The following GRIN2B variants were observed in gnomAD, a reference collection of about 807,000 sequenced individuals.
The protein encoded by GRIN2B is glutamate ionotropic receptor NMDA type subunit 2B, also known as glutamate receptor ionotropic, NMDA 2B.
A neutral mutation model predicts 114.5 loss-of-function variants in GRIN2B; 5 were observed. The observed-to-expected ratio is 0.04, with a 90% CI of 0.02 to 0.09. GRIN2B has a LOEUF of 0.09. GRIN2B is among the 10% of genes least tolerant of loss of function. The pLI is 1.00. For synonymous variants in GRIN2B, 787 were observed against 745.1 expected, an observed-to-expected ratio of 1.06 and a Z score of -0.92; for missense variants, 1,108 against 1,943.5, an observed-to-expected ratio of 0.57 and a Z score of 8.08.
chr12:13,962,847 C>T (rs1867721363), intron 2 of GRIN2B, among the ~76,000 whole-genome samples: 1 of 152,194 alleles, frequency 6.6e-6, no homozygotes, highest in East Asian at 1.9e-4. Flanking sequence ...ATTGCTGCCA[C>T]CTCGTCGTCC....
chr12:13,761,396 C>T (rs1348201822), intron 3 of GRIN2B, among the ~76,000 whole-genome samples: 1 of 152,110 alleles, frequency 6.6e-6, no homozygotes, highest in Non-Finnish European at 1.5e-5. Context: ...CTACAAGATT[C>T]TTGATATTCT....
chr12:13,696,209 G>A (rs1357651626), intron 4 of GRIN2B, among the ~76,000 whole-genome samples: 3 of 152,170 alleles, frequency 2.0e-5, no homozygotes, highest in South Asian at 2.1e-4. Context: ...GTTGCACATT[G>A]GAAGACTGAG....
chr12:13,616,244 G>A (rs933563730), intron 6 of GRIN2B, among the ~76,000 whole-genome samples: 19 of 152,158 alleles, frequency 1.2e-4, no homozygotes, highest in African/African-American at 4.6e-4. Context: ...ACTTTAGCGT[G>A]GGAAGTTGGC....
At chr12:13,736,265 A>G (rs1863182738) in intron 4 of GRIN2B, among the ~76,000 whole-genome samples, 1 of 151,990 alleles carries the variant, frequency 6.6e-6, no homozygotes, top group Non-Finnish European at 1.5e-5. Context: ...CAGCCAGTGC[A>G]GTCAGGCACT....
chr12:13,719,325 C>T (rs990920620), intron 4 of GRIN2B, among the ~76,000 whole-genome samples: 1 of 152,024 alleles, frequency 6.6e-6, no homozygotes, highest in African/African-American at 2.4e-5. Context: ...TAAGTGTAAA[C>T]CTACTCCTTA....
chr12:13,632,900 G>T (rs984907752), intron 5 of GRIN2B, among the ~76,000 whole-genome samples: 6 of 152,182 alleles, frequency 3.9e-5, no homozygotes, highest in Non-Finnish European at 8.8e-5. Flanking sequence ...CGCTAAGCAG[G>T]TGATTCTAAT....
At chr12:13,934,757 C>T (rs759759600) in intron 2 of GRIN2B, among the ~76,000 whole-genome samples, 3 of 145,170 alleles carry the variant, frequency 2.1e-5, no homozygotes, top group Non-Finnish European at 4.4e-5. Flanking sequence ...TGCTGTTGCA[C>T]TCACTCCTCA....
intron 3 of GRIN2B, among the ~76,000 whole-genome samples, chr12:13,830,448 A>C (rs1368854966): frequency 6.6e-6 from 1 of 152,244 alleles, no homozygotes; most frequent in African/African-American, 2.4e-5. Context: ...CTTAATGAAC[A>C]TGAGAGTCAT....
At position 13,753,300 on chromosome 12, in the gene GRIN2B, C is replaced by T. The variant is rs1455318070; in HGVS notation, c.1010+17G>A. 5 of 1,374,670 alleles carry T rather than the reference C, an allele frequency of 3.6e-6. No individual in the cohort carries two copies. Among genetic ancestry groups the T allele is most frequent in the Non-Finnish European group, 5.2e-6 (5 of 961,444 alleles). 85.2% of individuals were successfully genotyped at this position (1,374,670 alleles called of 1,614,324 possible). On this transcript the variant is annotated intron_variant, in intron 4 of 13. Coordinates refer to ENST00000609686, the MANE Select transcript of GRIN2B (RefSeq NM_000834.5). This position sits in a 1 kb window ranked among gnomAD's most constrained non-coding sequence, Gnocchi z 6.2. ...CTCTCATCTCCACCATCAATGTGCC[C>T]TCTGTTCCACACTCACCTATTTAGC...
chr12:13,901,743 G>C (rs972830522), intron 2 of GRIN2B, among the ~76,000 whole-genome samples: 1 of 151,848 alleles, frequency 6.6e-6, no homozygotes, highest in Non-Finnish European at 1.5e-5. Flanking sequence ...TAATATAGTT[G>C]AATTTATCAA....
At chr12:13,807,117 C>T (rs531519160) in intron 3 of GRIN2B, among the ~76,000 whole-genome samples, 7 of 152,136 alleles carry the variant, frequency 4.6e-5, no homozygotes, top group African/African-American at 1.4e-4. Context: ...TTAGCCATTT[C>T]GTCTTGAAAT....
At chr12:13,805,083 T>C (rs1438076033) in intron 3 of GRIN2B, among the ~76,000 whole-genome samples, 2 of 152,184 alleles carry the variant, frequency 1.3e-5, no homozygotes, top group African/African-American at 2.4e-5. Flanking sequence ...AGAAGTCAAT[T>C]TATTTCATTT....
intron 2 of GRIN2B, 66 bp from the exon 3 acceptor site, chr12:13,866,292 C>A (rs1267089650): frequency 1.3e-5 from 18 of 1,369,382 alleles, no homozygotes; most frequent in Non-Finnish European, 1.8e-5. Flanking sequence ...TTAGAAGAGG[C>A]TAGATACTGC....
intron 4 of GRIN2B, among the ~76,000 whole-genome samples, chr12:13,740,566 C>T (rs1248502656): frequency 2.0e-5 from 3 of 151,724 alleles, no homozygotes; most frequent in Non-Finnish European, 4.4e-5. Context: ...TTTATCTGAC[C>T]TGTCAAAAAT....
intron 3 of GRIN2B, among the ~76,000 whole-genome samples, chr12:13,790,505 C>T (rs942765079): frequency 6.6e-6 from 1 of 152,204 alleles, no homozygotes; most frequent in East Asian, 1.9e-4. Flanking sequence ...GTTTTCACTT[C>T]CCCTTTTGAG....
intron 2 of GRIN2B, among the ~76,000 whole-genome samples, chr12:13,970,923 G>A (rs1862900286): frequency 6.6e-6 from 1 of 152,108 alleles, no homozygotes; most frequent in Non-Finnish European, 1.5e-5. Flanking sequence ...TCCCCCTCAA[G>A]CTCAGAAACA....
intron 3 of GRIN2B, among the ~76,000 whole-genome samples, chr12:13,813,634 C>T (rs565240860): frequency 3.9e-5 from 6 of 152,272 alleles, no homozygotes; most frequent in South Asian, 2.1e-4. Flanking sequence ...ATGAGGAAGC[C>T]GAGGTCAGAA....
At chr12:13,795,907 G>A (rs1864411504) in intron 3 of GRIN2B, among the ~76,000 whole-genome samples, 1 of 151,982 alleles carries the variant, frequency 6.6e-6, no homozygotes, top group African/African-American at 2.4e-5. Flanking sequence ...AAAGGGCGGG[G>A]AACATCACAC....
At chr12:13,943,564 T>C (rs970458384) in intron 2 of GRIN2B, among the ~76,000 whole-genome samples, 1 of 152,168 alleles carries the variant, frequency 6.6e-6, no homozygotes, top group African/African-American at 2.4e-5. Flanking sequence ...TTCTGCTCCA[T>C]TCACTAAGCC....
Sources: allele counts gnomAD v4.1 joint callset (sites outside exome capture counted in the v4.1 genomes callset), GRCh38; gene constraint gnomAD v4.1.1; non-coding constraint Gnocchi (gnomAD v3.1); transcripts MANE v1.5; gene names NCBI Gene and HGNC (gene_info 2026-07-23, HGNC 2026-07-21).